RB1: variants seen among roughly 807,000 people sequenced by gnomAD.
RB1 encodes the protein retinoblastoma-associated protein.
A neutral mutation model predicts 135.4 loss-of-function variants in RB1; 18 were observed. The ratio of observed to expected loss-of-function variants is 0.13; its 90% confidence interval spans 0.09 to 0.20. The LOEUF (loss-of-function observed/expected upper bound fraction) is 0.20, where lower values mean the gene tolerates loss of function less well. Ranked by LOEUF, RB1 falls within the 10% of genes least tolerant of loss-of-function variation. The pLI is 1.00. For missense variants in RB1, 868 were observed against 1,110.0 expected (o/e 0.78, Z 3.10); for synonymous variants, 365 against 373.2 (o/e 0.98, Z 0.25).
chr13:48,403,130 T>A (rs561890936), intron 17 of RB1, among the ~76,000 whole-genome samples: 4 of 152,274 alleles, frequency 2.6e-5, no homozygotes, highest in Admixed American at 6.5e-5. Context: ...AATTTAAAGA[T>A]CTCCTGTGTT....
intron 17 of RB1, among the ~76,000 whole-genome samples, chr13:48,434,040 G>T (rs1436146880): frequency 1.1e-4 from 17 of 151,490 alleles, no homozygotes; most frequent in Admixed American, 1.1e-3. Context: ...TTTATTTAAA[G>T]GTTACAAGAA....
At position 48,319,144 on chromosome 13, in the gene RB1, C is replaced by T. The variant is rs1041067313; in HGVS notation, c.264+11738C>T. On this transcript the variant is annotated intron_variant, in intron 2 of 26. Coordinates refer to ENST00000267163, the MANE Select transcript of RB1 (RefSeq NM_000321.3). The surrounding 1 kb of genome is among the most constrained non-coding windows in gnomAD (Gnocchi z 5.0). ...GCGGAGCTTTGGTTTCCTTCGGGAGCTTGTGGGGAATGGTCAGCGTCTAGG... is the reference window on the plus strand; with the variant it reads ...GCGGAGCTTTGGTTTCCTTCGGGAGTTTGTGGGGAATGGTCAGCGTCTAGG... 1.7e-6 allele frequency: 1 copy of T among 605,674 alleles called. No homozygotes were observed. The highest frequency in any genetic ancestry group is 3.0e-6 in the Non-Finnish European group (1 of 333,050). 37.5% of individuals were successfully genotyped at this position (605,674 alleles called of 1,614,324 possible).
rs1243148353 is a variant in RB1 at position 48,476,726 on chromosome 13, A to G, written c.2546A>G (p.Asn849Ser). The change falls in exon 25 of 27, where the codon AAT becomes AGT. Residue 849 changes from asparagine (N) to serine (S), a missense_variant. Asn to Ser is a conservative substitution (Grantham distance 46, BLOSUM62 1). This residue lies in a region of RB1 where 196 missense variants were observed against 239.8 expected (regional missense o/e 0.82). Coordinates refer to ENST00000267163, the MANE Select transcript of RB1 (RefSeq NM_000321.3). Reference sequence around the variant, plus strand: ...ACTTCTGAGAAGTTCCAGAAAATAAATCAGATGGTATGTAACAGCGACCGT... The same window carrying G: ...ACTTCTGAGAAGTTCCAGAAAATAAGTCAGATGGTATGTAACAGCGACCGT... ...FGTSEKFQKI[N>S]QMVCNSDRVL... 6.2e-7 allele frequency: 1 copy of G among 1,613,382 alleles called. No homozygotes were observed. The highest frequency in any genetic ancestry group is 8.5e-7 in the Non-Finnish European group (1 of 1,179,448).
intron 8 of RB1, among the ~76,000 whole-genome samples, chr13:48,364,587 A>G (rs1265571654): frequency 6.6e-6 from 1 of 152,114 alleles, no homozygotes; most frequent in Admixed American, 6.5e-5. Context: ...AATTTTGGGT[A>G]CTCAAAAGTA....
intron 7 of RB1, among the ~76,000 whole-genome samples, chr13:48,362,274 G>T (rs921333430): frequency 6.7e-6 from 1 of 150,306 alleles, no homozygotes; most frequent in Non-Finnish European, 1.5e-5. Context: ...AGCTGAACCT[G>T]TATTTAGTTT....
At chr13:48,307,708 A>AG (rs890805749) in intron 2 of RB1, among the ~76,000 whole-genome samples, 5 of 150,200 alleles carry the variant, frequency 3.3e-5, no homozygotes, top group African/African-American at 1.2e-4. Flanking sequence ...ACAAAAAAAA[A>AG]AAAAAAAATT....
intron 4 of RB1, among the ~76,000 whole-genome samples, chr13:48,345,930 T>C (rs1413997156): frequency 6.6e-6 from 1 of 152,066 alleles, no homozygotes; most frequent in Non-Finnish European, 1.5e-5. Context: ...AAGCATCTCC[T>C]TAGGAGGATG....
intron 17 of RB1, among the ~76,000 whole-genome samples, chr13:48,402,535 A>G (rs1948702254): frequency 6.6e-6 from 1 of 151,516 alleles, no homozygotes; most frequent in South Asian, 2.1e-4. Flanking sequence ...GAGCCAACAC[A>G]CCCAGCTAAT....
At chr13:48,391,622 T>G (rs1948611516) in intron 17 of RB1, 1 of 149,432 alleles carries the variant, frequency 6.7e-6, no homozygotes, top group East Asian at 1.9e-4. Context: ...GCATTTCTAT[T>G]TTTTTTTTCT....
intron 2 of RB1, among the ~76,000 whole-genome samples, chr13:48,321,625 G>A (rs904463343): frequency 6.6e-6 from 1 of 152,088 alleles, no homozygotes; most frequent in Non-Finnish European, 1.5e-5. Context: ...GGAAGCCAAG[G>A]CGGGTGGATC....
chr13:48,319,794 C>T lies in RB1; in HGVS notation c.264+12388C>T. 3.4e-6 allele frequency: 1 copy of T among 293,954 alleles called. No homozygotes were observed. The highest frequency in any genetic ancestry group is 3.7e-5 in the Admixed American group (1 of 27,110). 18.2% of individuals were successfully genotyped at this position (293,954 alleles called of 1,614,324 possible). On this transcript the variant is annotated intron_variant, in intron 2 of 26. Transcript: ENST00000267163. The surrounding 1 kb of genome is among the most constrained non-coding windows in gnomAD (Gnocchi z 5.0). ...CATGCTATCTCTTCTCATTCAGAAG[C>T]TGTTCTATTTCCGCCTTAATGCTCT... is the stretch of plus-strand genomic sequence containing the variant.
In RB1 at chr13:48,368,592, A is replaced by T. The variant is rs1015497370; in HGVS notation, c.1115A>T (p.His372Leu). 6.2e-7 allele frequency: 1 copy of T among 1,613,450 alleles called. No homozygotes were observed. The highest frequency in any genetic ancestry group is 8.5e-7 in the Non-Finnish European group (1 of 1,179,712). The change falls in exon 11 of 27, where the codon CAC becomes CTC. Residue 372 changes from histidine (H) to leucine (L), a missense_variant. Around this residue, in one of 3 missense-constraint regions of RB1, gnomAD observed 641 missense variants for 791.3 expected, o/e 0.81. Transcript: ENST00000267163. ...GAAGAGGTGAATGTAATTCCTCCAC[A>T]CACTCCAGTTAGGTATGAATTTTCC... ...LDEEVNVIPP[H>L]TPVRTVMNTI...
chr13:48,416,995 C>T (rs1198929091), intron 17 of RB1, among the ~76,000 whole-genome samples: 5 of 152,190 alleles, frequency 3.3e-5, no homozygotes, highest in Non-Finnish European at 7.4e-5. Flanking sequence ...GCTATTGGTG[C>T]AGCTTCAGCA....
At chr13:48,463,505 G>T (rs1356495745) in intron 20 of RB1, among the ~76,000 whole-genome samples, 1 of 152,198 alleles carries the variant, frequency 6.6e-6, no homozygotes, top group African/African-American at 2.4e-5. Flanking sequence ...TACAAACCAG[G>T]TGATCAGTCC....
intron 2 of RB1, among the ~76,000 whole-genome samples, chr13:48,316,089 A>G (rs576071231): frequency 5.9e-5 from 9 of 152,342 alleles, no homozygotes; most frequent in African/African-American, 1.9e-4. Flanking sequence ...AAGATTGGAC[A>G]TGAATCCACC....
chr13:48,351,567 G>T (rs1185808558), intron 6 of RB1, among the ~76,000 whole-genome samples: 3 of 151,962 alleles, frequency 2.0e-5, no homozygotes, highest in African/African-American at 7.3e-5. Flanking sequence ...TTCTTTTGCT[G>T]TGCAGAAGCT....
At chr13:48,464,067 A>T (rs1949421728) in intron 21 of RB1, among the ~76,000 whole-genome samples, 1 of 152,160 alleles carries the variant, frequency 6.6e-6, no homozygotes, top group African/African-American at 2.4e-5. Context: ...AAAGTTAATA[A>T]ATAATATTTT....
intron 2 of RB1, among the ~76,000 whole-genome samples, chr13:48,307,699 CAAAAAAA>C (rs11452683): frequency 7.7e-6 from 1 of 129,700 alleles, no homozygotes; most frequent in Non-Finnish European, 1.6e-5. Context: ...TACTAAAATA[CAAAAAAA>C]AAAAAAAAAA....
At chr13:48,320,613 G>T (rs1006212043) in intron 2 of RB1, 17 of 352,416 alleles carry the variant, frequency 4.8e-5, no homozygotes, top group Non-Finnish European at 8.6e-5. Flanking sequence ...CGGGCGGATC[G>T]CGAGGTCAGG....
Sources: allele counts gnomAD v4.1 joint callset (sites outside exome capture counted in the v4.1 genomes callset), GRCh38; gene constraint gnomAD v4.1.1; regional missense constraint gnomAD v4.1.1; non-coding constraint Gnocchi (gnomAD v3.1); transcripts MANE v1.5; gene names NCBI Gene and HGNC (gene_info 2026-07-23, HGNC 2026-07-21).